SELENOF: variants seen among roughly 807,000 people sequenced by gnomAD.
The protein encoded by SELENOF is selenoprotein F, also known as 15 kDa selenoprotein.
SELENOF carries 16 observed loss-of-function variants against 20.5 expected under a neutral mutation model. The ratio of observed to expected loss-of-function variants is 0.78; its 90% CI spans 0.53 to 1.19. The LOEUF (loss-of-function observed/expected upper bound fraction) is 1.19, where lower values mean the gene tolerates loss of function less well. SELENOF is among the 50% of genes most tolerant of loss of function. SELENOF has a pLI of 0.00. For missense variants in SELENOF, 215 were observed against 194.2 expected (o/e 1.11, Z -0.64); for synonymous variants, 78 against 74.5 (o/e 1.05, Z -0.24).
At chr1:86,867,702 T>C (rs1315003284) in intron 4 of SELENOF, among the ~76,000 whole-genome samples, 3 of 149,834 alleles carry the variant, frequency 2.0e-5, no homozygotes, top group African/African-American at 7.4e-5. Flanking sequence ...TGAATGCTAA[T>C]GCGAACTATT....
intron 3 of SELENOF, among the ~76,000 whole-genome samples, chr1:86,877,662 T>C (rs576260762): frequency 6.6e-6 from 1 of 152,328 alleles, no homozygotes; most frequent in African/African-American, 2.4e-5. Context: ...CAATTTGTAC[T>C]ACATTATTTC....
chr1:86,889,915 T>C (rs966883400), intron 2 of SELENOF, among the ~76,000 whole-genome samples: 2 of 152,238 alleles, frequency 1.3e-5, no homozygotes, highest in Admixed American at 6.5e-5. Flanking sequence ...GTATCTTGCC[T>C]CTGGAAAACG....
intron 1 of SELENOF, among the ~76,000 whole-genome samples, chr1:86,906,795 G>C (rs546196234): frequency 2.0e-5 from 3 of 152,276 alleles, no homozygotes; most frequent in East Asian, 1.9e-4. Flanking sequence ...GCTGTGCCCT[G>C]TCAGAATTGC....
intron 1 of SELENOF, among the ~76,000 whole-genome samples, chr1:86,911,894 CT>C (rs2102138148): frequency 6.6e-6 from 1 of 151,908 alleles, no homozygotes; most frequent in South Asian, 2.1e-4. Context: ...AGTGATTCTC[CT>C]GCCTCAGCCT....
intron 2 of SELENOF, among the ~76,000 whole-genome samples, chr1:86,890,218 G>A (rs1352821897): frequency 6.6e-6 from 1 of 151,866 alleles, no homozygotes; most frequent in Non-Finnish European, 1.5e-5. Context: ...TTCCTTTTGC[G>A]AGAGAAAAGG....
At chr1:86,899,528 T>C (rs1357753550) in intron 2 of SELENOF, among the ~76,000 whole-genome samples, 3 of 138,588 alleles carry the variant, frequency 2.2e-5, no homozygotes, top group Non-Finnish European at 4.7e-5. Flanking sequence ...ACGGGGCGGC[T>C]GGCCGGGCGG....
chr1:86,889,577 G>C (rs1363164858), intron 2 of SELENOF, among the ~76,000 whole-genome samples: 4 of 152,184 alleles, frequency 2.6e-5, no homozygotes, highest in African/African-American at 4.8e-5. Context: ...CTGGGCGACA[G>C]AGCAAGACTC....
rs79187582 is a variant in SELENOF, at chr1:86,878,855, G to A, written c.316+1807C>T. Among the ~76,000 whole-genome samples the A allele has an allele frequency of 3.9e-5, 6 of 152,148 alleles. No homozygotes were observed. In the East Asian group the frequency reaches 7.7e-4, roughly 20 times the overall value. On this transcript the variant is annotated intron_variant, in intron 3 of 4. Transcript: ENST00000331835. ...TATCACAATTATAACAACTTTTCAC[G>A]GGCTCAGAAAATACTGGTATTATAC...
chr1:86,914,378 A>C, upstream of SELENOF: 7 of 511,770 alleles, frequency 1.4e-5, no homozygotes, highest in South Asian at 2.3e-5. Context: ...TTCGTCAAGC[A>C]GCCAAGAAGC....
intron 2 of SELENOF, among the ~76,000 whole-genome samples, chr1:86,889,504 G>C (rs1659322449): frequency 6.6e-6 from 1 of 152,134 alleles, no homozygotes; most frequent in Non-Finnish European, 1.5e-5. Flanking sequence ...TGAGACAGGA[G>C]AATCACTTGA....
chr1:86,891,682 A>C (rs891173665), intron 2 of SELENOF, among the ~76,000 whole-genome samples: 1 of 152,210 alleles, frequency 6.6e-6, no homozygotes, highest in Admixed American at 6.5e-5. Flanking sequence ...CAATTAAATA[A>C]CTTCATAAAA....
At chr1:86,899,812 G>C (rs1363703865) in intron 2 of SELENOF, among the ~76,000 whole-genome samples, 3 of 146,062 alleles carry the variant, frequency 2.1e-5, no homozygotes, top group Admixed American at 2.0e-4. Flanking sequence ...CCGGGCGGAG[G>C]GGCTCCTCAC....
At chr1:86,873,572 T>C (rs1467939531) in intron 3 of SELENOF, among the ~76,000 whole-genome samples, 1 of 151,842 alleles carries the variant, frequency 6.6e-6, no homozygotes, top group Non-Finnish European at 1.5e-5. Context: ...AAAATTAGGC[T>C]GGGCACGGTG....
At chr1:86,869,634 C>A (rs1424303821) in intron 3 of SELENOF, among the ~76,000 whole-genome samples, 1 of 149,588 alleles carries the variant, frequency 6.7e-6, no homozygotes, top group Non-Finnish European at 1.5e-5. Context: ...TCAATCTATA[C>A]TTTACCAATT....
At chr1:86,864,920 GC>G (rs1421657881) in intron 4 of SELENOF, among the ~76,000 whole-genome samples, 1 of 151,902 alleles carries the variant, frequency 6.6e-6, no homozygotes, top group East Asian at 1.9e-4. Context: ...ATAGGTGGGA[GC>G]CACCGCACCC....
chr1:86,910,640 G>A (rs921497858), intron 1 of SELENOF, among the ~76,000 whole-genome samples: 1 of 104,570 alleles, frequency 9.6e-6, no homozygotes, highest in African/African-American at 4.9e-5. Flanking sequence ...GGAGGCAGAG[G>A]TTGCAGTGAG....
intron 1 of SELENOF, among the ~76,000 whole-genome samples, chr1:86,907,070 T>C (rs964155591): frequency 6.6e-6 from 1 of 152,226 alleles, no homozygotes; most frequent in Non-Finnish European, 1.5e-5. Flanking sequence ...AGCATGACTA[T>C]GCAAAACATC....
intron 2 of SELENOF, among the ~76,000 whole-genome samples, chr1:86,885,160 G>A (rs1557461522): frequency 6.6e-6 from 1 of 152,106 alleles, no homozygotes. Context: ...AACTACTACA[G>A]GTACTACAGG....
intron 2 of SELENOF, among the ~76,000 whole-genome samples, chr1:86,884,095 C>A (rs1311293640): frequency 6.6e-6 from 1 of 151,996 alleles, no homozygotes; most frequent in Non-Finnish European, 1.5e-5. Flanking sequence ...GTCTTAATTT[C>A]CCCCAGAATC....
Sources: gnomAD v4.1 joint callset for allele counts (sites outside exome capture counted in the v4.1 genomes callset) on GRCh38, gnomAD v4.1.1 for gene constraint, MANE v1.5 for transcripts, NCBI Gene and HGNC (gene_info 2026-07-23, HGNC 2026-07-21) for gene names.